The following MPDZ variants were observed in gnomAD, a reference collection of about 807,000 sequenced individuals.
MPDZ encodes multiple PDZ domain crumbs cell polarity complex component.
A neutral mutation model predicts 239.1 loss-of-function variants in MPDZ; 234 were observed. The observed-to-expected ratio is 0.98, with a 90% confidence interval of 0.88 to 1.09. The LOEUF (loss-of-function observed/expected upper bound fraction) is 1.09. Ranked by LOEUF, MPDZ falls within the 50% of genes least tolerant of loss-of-function variation. MPDZ has a pLI of 0.00. For missense variants in MPDZ, 3,175 were observed against 2,510.0 expected (o/e 1.26, Z -5.66); for synonymous variants, 1,048 against 881.3 (o/e 1.19, Z -3.35).
chr9:13,256,826 T>C (rs1356833429), intron 1 of MPDZ, among the ~76,000 whole-genome samples: 1 of 152,196 alleles, frequency 6.6e-6, no homozygotes, highest in Non-Finnish European at 1.5e-5. Context: ...AAGCATGTGC[T>C]GTTGGAAAAA....
chr9:13,106,072 TGAAAACC>T lies in MPDZ; in HGVS notation c.*886_*892del, dbSNP rs1941424192. 6.6e-6 allele frequency: 1 copy of T among 152,172 alleles called. No homozygotes were observed. The highest frequency in any genetic ancestry group is 1.5e-5 in the Non-Finnish European group (1 of 68,034). The allele number at this position is 152,172 out of a possible 1,614,324, so 9.4% of individuals were successfully genotyped here. ...CTCTGTCATTAAGATTAATATGAAT[TGAAAACC>T]AATTGCACAGCACACTAACACATTT... On this transcript the variant is annotated 3_prime_UTR_variant, in exon 47 of 47. Coordinates refer to ENST00000319217, the MANE Select transcript of MPDZ (RefSeq NM_001378778.1).
intron 1 of MPDZ, among the ~76,000 whole-genome samples, chr9:13,261,956 G>C (rs1269051616): frequency 1.3e-5 from 2 of 151,526 alleles, no homozygotes; most frequent in Admixed American, 1.3e-4. Flanking sequence ...AAGGTGAGAA[G>C]ATTATCTGAG....
At chr9:13,267,402 G>C (rs1227057342) in intron 1 of MPDZ, among the ~76,000 whole-genome samples, 2 of 152,076 alleles carry the variant, frequency 1.3e-5, no homozygotes, top group Non-Finnish European at 2.9e-5. Context: ...GAAAATTGAG[G>C]TTCAGAAAGA....
At chr9:13,135,974 A>C in intron 31 of MPDZ, 118 bp downstream of exon 31, 1 of 663,676 alleles carries the variant, frequency 1.5e-6, no homozygotes, top group East Asian at 2.8e-5. Context: ...TTGAAGGCCA[A>C]GGCTATAACT....
chr9:13,238,250 T>A (rs1482128928), intron 3 of MPDZ, among the ~76,000 whole-genome samples: 1 of 152,082 alleles, frequency 6.6e-6, no homozygotes, highest in Non-Finnish European at 1.5e-5. Context: ...TGGCTACATC[T>A]TCTCTTTTTG....
intron 12 of MPDZ, among the ~76,000 whole-genome samples, chr9:13,197,507 G>A (rs1018833037): frequency 1.3e-5 from 2 of 151,980 alleles, no homozygotes; most frequent in African/African-American, 4.8e-5. Flanking sequence ...CATATTTATA[G>A]GGTATATGTG....
At chr9:13,217,362 A>C in intron 8 of MPDZ, 68 bp from the exon 9 acceptor site, 2 of 1,009,660 alleles carry the variant, frequency 2.0e-6, no homozygotes, top group Non-Finnish European at 2.9e-6. Context: ...AAAACAAACA[A>C]ACAAACAAAA....
In MPDZ at chr9:13,136,089, T is replaced by A. The variant is rs1168748473; in HGVS notation, c.4383+3A>T. On this transcript the variant is annotated splice_donor_region_variant and intron_variant, in intron 31 of 46. Transcript: ENST00000319217. ...CAGAGAAACAAACATAAGTTACATA[T>A]ACCTCCTTATTTTGAAGATTTTCTG... The A allele has an allele frequency of 6.3e-7, 1 of 1,586,172 alleles. No individual in the cohort carries two copies. The highest frequency in any genetic ancestry group is 8.6e-7 in the Non-Finnish European group (1 of 1,156,726).
At chr9:13,163,223 A>C (rs1323355333) in intron 22 of MPDZ, among the ~76,000 whole-genome samples, 1 of 152,190 alleles carries the variant, frequency 6.6e-6, no homozygotes, top group Non-Finnish European at 1.5e-5. Flanking sequence ...TAAAATGCTG[A>C]ATATCACAAA....
chr9:13,217,099 A>AATT (rs1380029802), intron 9 of MPDZ, 81 bp downstream of exon 9: 2 of 1,015,540 alleles, frequency 2.0e-6, no homozygotes, highest in African/African-American at 3.3e-5. Flanking sequence ...TGAAACATGT[A>AATT]ATATCAACTC....
rs577557909 is a variant in MPDZ at position 13,145,193 on chromosome 9, C to T, written c.3742-1629G>A. 5.3e-5 allele frequency among the ~76,000 whole-genome samples: 8 copies of T among 152,094 alleles called. No homozygotes were observed. In the South Asian group the frequency reaches 1.5e-3, roughly 28 times the overall value. On this transcript the variant is annotated intron_variant, in intron 26 of 46. Transcript: ENST00000319217. ...ATTATTAGGAAAAGATATTTAGAAA[C>T]AGACTATTTCTTATTAAAAAACCAA...
In MPDZ at chr9:13,247,744, C is replaced by G. The variant is rs1288727817; in HGVS notation, c.74G>C (p.Gly25Ala). 1.9e-6 allele frequency: 3 copies of G among 1,613,060 alleles called. No individual in the cohort carries two copies. The highest frequency in any genetic ancestry group is 2.5e-6 in the Non-Finnish European group (3 of 1,179,174). The change falls in exon 3 of 47, where the codon GGG (glycine) becomes GCG (alanine). Residue 25 changes from glycine to alanine, a missense_variant. Physicochemically the swap from Gly to Ala is moderately conservative, Grantham distance 60. Transcript: ENST00000319217. ...ERLQTKLRER[G>A]DVANEDKLSL... The stretch of plus-strand genomic sequence containing the variant: ...CAGTTTGTCTTCATTTGCTACATCC[C>G]CACGTTCTCGCAGCTTGGTTTGCAA...
At chr9:13,137,866 C>A in intron 29 of MPDZ, 91 bp downstream of exon 29, 1 of 1,292,328 alleles carries the variant, frequency 7.7e-7, no homozygotes. Flanking sequence ...CTTTCTCAGT[C>A]ACTATAAGGT....
At chr9:13,261,035 C>T (rs1401687834) in intron 1 of MPDZ, among the ~76,000 whole-genome samples, 1 of 152,158 alleles carries the variant, frequency 6.6e-6, no homozygotes, top group Non-Finnish European at 1.5e-5. Context: ...AATCTAAGTG[C>T]TGACATGAAA....
At chr9:13,204,178 T>A (rs549997103) in intron 12 of MPDZ, among the ~76,000 whole-genome samples, 1 of 152,306 alleles carries the variant, frequency 6.6e-6, no homozygotes, top group South Asian at 2.1e-4. Context: ...CAGTCTTGTA[T>A]TCTGTTCAGT....
intron 1 of MPDZ, among the ~76,000 whole-genome samples, chr9:13,270,350 T>C (rs867041172): frequency 1.3e-5 from 2 of 152,118 alleles, no homozygotes; most frequent in Non-Finnish European, 2.9e-5. Context: ...CCAGCCAACA[T>C]AACAGGTTTT....
chr9:13,184,952 A>G (rs1280364269), intron 18 of MPDZ, among the ~76,000 whole-genome samples: 1 of 152,020 alleles, frequency 6.6e-6, no homozygotes, highest in Non-Finnish European at 1.5e-5. Context: ...TTTGATTGGT[A>G]TCCATTAAGG....
chr9:13,198,600 A>G (rs1955944860), intron 12 of MPDZ, among the ~76,000 whole-genome samples: 1 of 151,904 alleles, frequency 6.6e-6, no homozygotes. Context: ...ATGTGATCCC[A>G]TTTGTCCATT....
chr9:13,175,500 T>C (rs1423826146), intron 21 of MPDZ, among the ~76,000 whole-genome samples: 4 of 152,186 alleles, frequency 2.6e-5, no homozygotes, highest in African/African-American at 9.6e-5. Context: ...AATTCATATA[T>C]CTTTTACTGA....
Sources: gnomAD v4.1 joint callset for allele counts (sites outside exome capture counted in the v4.1 genomes callset) on GRCh38, gnomAD v4.1.1 for gene constraint, MANE v1.5 for transcripts, NCBI Gene and HGNC (gene_info 2026-07-23, HGNC 2026-07-21) for gene names.